The following MICOS10 variants were observed in gnomAD, a reference collection of about 807,000 sequenced individuals.
MICOS10 encodes MICOS complex subunit MIC10.
MICOS10 carries 5 observed loss-of-function variants against 13.4 expected under a neutral mutation model. That is an observed-to-expected ratio of 0.37 (90% CI 0.20 to 0.78). MICOS10 has a LOEUF of 0.78. Among genes scored for constraint, MICOS10 ranks in the 30% least tolerant of loss-of-function variants. The pLI, the probability that MICOS10 is intolerant of heterozygous loss-of-function variation, is 0.47. For missense variants in MICOS10, 101 were observed against 94.6 expected (o/e 1.07, Z -0.28); for synonymous variants, 35 against 33.6 (o/e 1.04, Z -0.15).
intron 2 of MICOS10, 114 bp from the exon 3 acceptor site, chr1:19,623,360 G>A (rs895372291): frequency 1.5e-6 from 1 of 679,316 alleles, no homozygotes; most frequent in Non-Finnish European, 2.6e-6. Flanking sequence ...ATAGTCATTA[G>A]TATGATGCAC....
At chr1:19,623,227 A>G (rs1029323692) in intron 2 of MICOS10, among the ~76,000 whole-genome samples, 3 of 151,988 alleles carry the variant, frequency 2.0e-5, no homozygotes, top group African/African-American at 7.3e-5. Flanking sequence ...GGCCTTTACT[A>G]CTTATTTTCC....
At chr1:19,615,867 G>A (rs2094882363) in intron 1 of MICOS10, among the ~76,000 whole-genome samples, 1 of 151,704 alleles carries the variant, frequency 6.6e-6, no homozygotes. Context: ...GATCAAGTCA[G>A]TGTGTGTAAG....
rs545028405 is a variant in MICOS10 at position 19,614,202 on chromosome 1, T to G, written c.65-7898T>G. ...GAATCAAGTTATATTTTAGATTGAT[T>G]AAGGGAATTTAGTGTTAAAAGATTA... On this transcript the variant is annotated intron_variant, in intron 1 of 3. Coordinates refer to ENST00000322753, the MANE Select transcript of MICOS10 (RefSeq NM_001032363.4). Among the ~76,000 whole-genome samples the G allele has an allele frequency of 1.2e-4, 19 of 152,108 alleles. No individual in the cohort carries two copies. In the South Asian group the frequency reaches 2.9e-3, roughly 23 times the overall value.
chr1:19,598,373 A>G (rs2792044), intron 1 of MICOS10, among the ~76,000 whole-genome samples: 16,650 of 152,216 alleles, frequency 0.11, 3,084 homozygotes, highest in African/African-American at 0.38. Context: ...GGAAGCGACT[A>G]AACAGTCACT....
intron 1 of MICOS10, among the ~76,000 whole-genome samples, chr1:19,611,966 A>G: frequency 6.9e-6 from 1 of 145,170 alleles, no homozygotes; most frequent in African/African-American, 2.6e-5. Context: ...GTGAGGCTCC[A>G]TCTCAAAAAA....
At position 19,613,467 on chromosome 1, in the gene MICOS10, A is replaced by G. The variant is rs576007834; in HGVS notation, c.65-8633A>G. Among the ~76,000 whole-genome samples, 11 of 152,230 alleles carry G rather than the reference A, an allele frequency of 7.2e-5. No homozygotes were observed. The South Asian group carries it at 2.1e-3, about 29-fold the overall frequency. ...CAGCAAGGAGCTTGCTGTAGCTCCT[A>G]TCTCTTGCCACCTTACCTCCCACTT... On this transcript the variant is annotated intron_variant, in intron 1 of 3. Coordinates refer to ENST00000322753, the MANE Select transcript of MICOS10 (RefSeq NM_001032363.4).
At chr1:19,600,951 G>C (rs1045501915) in intron 1 of MICOS10, 1 of 1,289,228 alleles carries the variant, frequency 7.8e-7, no homozygotes, top group Non-Finnish European at 1.0e-6. Context: ...GGGAAGCCAT[G>C]GTGAATGCAC....
chr1:19,618,209 G>A (rs2094891328), intron 1 of MICOS10, among the ~76,000 whole-genome samples: 1 of 150,414 alleles, frequency 6.6e-6, no homozygotes, highest in Non-Finnish European at 1.5e-5. Flanking sequence ...AGGCTAAAGT[G>A]ATCCTCCCAC....
At chr1:19,606,138 A>T (rs1435187926) in intron 1 of MICOS10, among the ~76,000 whole-genome samples, 1 of 152,124 alleles carries the variant, frequency 6.6e-6, no homozygotes, top group East Asian at 1.9e-4. Context: ...ATGAACTAAG[A>T]GGGGAGCAGC....
At chr1:19,616,555 C>T (rs1307654828) in intron 1 of MICOS10, among the ~76,000 whole-genome samples, 4 of 152,148 alleles carry the variant, frequency 2.6e-5, no homozygotes, top group African/African-American at 7.2e-5. Flanking sequence ...TGTTACCACT[C>T]CTGTAAGTCA....
chr1:19,624,244 T>C (rs535912176), intron 3 of MICOS10, among the ~76,000 whole-genome samples: 2 of 152,286 alleles, frequency 1.3e-5, no homozygotes, highest in African/African-American at 4.8e-5. Flanking sequence ...AAGTCTCACA[T>C]TCTACTGAAG....
rs776610237 is a variant in MICOS10 at position 19,597,106 on chromosome 1, A to T, written c.61A>T (p.Ile21Leu). ...DRCLADAVVKIGTGFGLGIVF... is the reference protein window; with the variant it reads ...DRCLADAVVKLGTGFGLGIVF... Reference sequence around the variant, plus strand: ...GTGTCTGGCGGATGCGGTCGTGAAGATAGGTAAGGGGCTTTTCGCCCCAGC... The same window carrying T: ...GTGTCTGGCGGATGCGGTCGTGAAGTTAGGTAAGGGGCTTTTCGCCCCAGC... Residue 21 changes from isoleucine (I) to leucine (L), a missense_variant, in exon 1 of 4, where the codon ATA becomes TTA. Ile to Leu is a conservative substitution (Grantham distance 5, BLOSUM62 2). Transcript: ENST00000322753. The T allele has an allele frequency of 1.2e-6, 2 of 1,600,724 alleles. No individual in the cohort carries two copies. The highest frequency in any genetic ancestry group is 2.2e-5 in the South Asian group (2 of 89,766).
chr1:19,620,578 G>GA (rs2094899565), intron 1 of MICOS10, among the ~76,000 whole-genome samples: 1 of 152,136 alleles, frequency 6.6e-6, no homozygotes, highest in Non-Finnish European at 1.5e-5. Context: ...TAAGACCATA[G>GA]AGCACATTCT....
chr1:19,600,899 T>C (rs1418904128), intron 1 of MICOS10: 2 of 1,289,300 alleles, frequency 1.6e-6, no homozygotes, highest in Admixed American at 4.6e-5. Context: ...CCACACCTGG[T>C]CCATCTTGAT....
intron 1 of MICOS10, among the ~76,000 whole-genome samples, chr1:19,606,517 G>T (rs774315126): frequency 1.5e-4 from 23 of 152,158 alleles, no homozygotes; most frequent in Admixed American, 3.3e-4. Flanking sequence ...AGGCTGAGGA[G>T]GGTGGGTCAC....
In MICOS10 at chr1:19,629,751, C is replaced by T. The variant is rs2094932641; in HGVS notation, c.*3350C>T. ...TAATTGCATTTTACTTGTCGTGGTT[C>T]GATCTGATTGTATTGTCGAAGGACT... On this transcript the variant is annotated 3_prime_UTR_variant, in exon 4 of 4. Coordinates refer to ENST00000322753, the MANE Select transcript of MICOS10 (RefSeq NM_001032363.4). The T allele has an allele frequency of 1.3e-5, 2 of 152,160 alleles. No homozygotes were observed. Among genetic ancestry groups the T allele is most frequent in the South Asian group, 4.1e-4 (2 of 4,828 alleles). 9.4% of individuals were successfully genotyped at this position (152,160 alleles called of 1,614,324 possible).
rs771051926 is a variant in MICOS10 at position 19,622,141 on chromosome 1, T to G, written c.106T>G (p.Phe36Val). Residue 36 changes from phenylalanine to valine, a missense_variant, in exon 2 of 4, where the codon TTT (phenylalanine) becomes GTT (valine). Coordinates refer to ENST00000322753, the MANE Select transcript of MICOS10 (RefSeq NM_001032363.4). ...AGGAATTGTTTTCTCACTTACCTTC[T>G]TTAAAAGTAAGTGTCACTCTGTCTT... is the stretch of plus-strand genomic sequence containing the variant. ...GLGIVFSLTF[F>V]KRRMWPLAFG... 2.2e-5 allele frequency: 35 copies of G among 1,610,344 alleles called. No homozygotes were observed. The South Asian group carries it at 3.9e-4, about 18-fold the overall frequency.
intron 1 of MICOS10, among the ~76,000 whole-genome samples, chr1:19,611,863 T>C (rs1270019887): frequency 6.7e-6 from 1 of 149,796 alleles, no homozygotes; most frequent in Admixed American, 6.6e-5. Flanking sequence ...TCCCAGCTAT[T>C]TGGGAGGCTG....
chr1:19,608,042 C>T, intron 1 of MICOS10: 2 of 738,040 alleles, frequency 2.7e-6, no homozygotes, highest in Admixed American at 2.0e-5. Context: ...GGTCGTAGAC[C>T]TAAATATAAA....
Sources: allele counts gnomAD v4.1 joint callset (sites outside exome capture counted in the v4.1 genomes callset), GRCh38; gene constraint gnomAD v4.1.1; transcripts MANE v1.5; gene names NCBI Gene and HGNC (gene_info 2026-07-23, HGNC 2026-07-21).